The following TDP1 variants were observed in gnomAD, a reference collection of about 807,000 sequenced individuals.
TDP1 encodes tyr-DNA phosphodiesterase 1.
TDP1 carries 64 observed loss-of-function variants against 81.5 expected under a neutral mutation model. That is an observed-to-expected ratio of 0.79 (90% confidence interval 0.64 to 0.97). The LOEUF (loss-of-function observed/expected upper bound fraction) is 0.97. TDP1 is among the 50% of genes least tolerant of loss of function. The pLI is 0.00. For synonymous variants in TDP1, 256 were observed against 264.3 expected, an observed-to-expected ratio of 0.97 and a Z score of 0.30; for missense variants, 723 against 743.8, an observed-to-expected ratio of 0.97 and a Z score of 0.33.
intron 15 of TDP1, among the ~76,000 whole-genome samples, chr14:90,025,865 G>C (rs1171496258): frequency 2.6e-5 from 4 of 152,182 alleles, no homozygotes; most frequent in Non-Finnish European, 5.9e-5. Context: ...TACTCTGTCA[G>C]CCACTGAGTA....
chr14:90,009,335 A>G (rs531652481), intron 14 of TDP1, among the ~76,000 whole-genome samples: 36 of 152,342 alleles, frequency 2.4e-4, no homozygotes, highest in South Asian at 1.5e-3. Context: ...GTGGAAGAAA[A>G]GGAGTGACCA....
intron 15 of TDP1, chr14:90,023,017 C>G: frequency 1.3e-6 from 1 of 761,416 alleles, no homozygotes; most frequent in Non-Finnish European, 2.4e-6. Flanking sequence ...ATACCCTGTG[C>G]CTGCTGTCTT....
At chr14:89,989,253 G>A (rs1488447137) in intron 11 of TDP1, 163 bp downstream of exon 11, 12 of 955,726 alleles carry the variant, frequency 1.3e-5, no homozygotes, top group Non-Finnish European at 1.4e-5. Context: ...CATTAGCATC[G>A]TCATTTGTAA....
intron 15 of TDP1, among the ~76,000 whole-genome samples, chr14:90,029,498 C>CTTT (rs551041373): frequency 0.029 from 3,567 of 122,726 alleles, 267 homozygotes; most frequent in African/African-American, 0.11. Flanking sequence ...CGCACCCGGC[C>CTTT]TTTTTTTTTT....
chr14:89,968,877 A>G (rs1893258380), intron 5 of TDP1, among the ~76,000 whole-genome samples: 1 of 152,240 alleles, frequency 6.6e-6, no homozygotes, highest in South Asian at 2.1e-4. Context: ...CCTAAGCCTC[A>G]GTACCTCAGA....
chr14:89,960,792 G>A (rs1008679750), intron 2 of TDP1, among the ~76,000 whole-genome samples: 4 of 152,180 alleles, frequency 2.6e-5, no homozygotes, highest in African/African-American at 9.7e-5. Context: ...AACTTGACTG[G>A]TAGTTAATTG....
intron 15 of TDP1, among the ~76,000 whole-genome samples, chr14:90,029,980 T>C (rs1887097429): frequency 6.6e-6 from 1 of 152,234 alleles, no homozygotes; most frequent in African/African-American, 2.4e-5. Flanking sequence ...TTAAATATCC[T>C]CACAGTAGCC....
At chr14:89,976,525 C>CCCTTTTTT (rs1440225563) in intron 7 of TDP1, among the ~76,000 whole-genome samples, 1 of 135,534 alleles carries the variant, frequency 7.4e-6, no homozygotes, top group African/African-American at 3.0e-5. Context: ...CTCAACAGAG[C>CCCTTTTTT]TCTTTTTTTT....
At chr14:90,041,766 G>T (rs961611132) in intron 16 of TDP1, among the ~76,000 whole-genome samples, 5 of 152,096 alleles carry the variant, frequency 3.3e-5, no homozygotes, top group Admixed American at 3.3e-4. Flanking sequence ...ATGTATTTAC[G>T]GTCTACCCAT....
chr14:90,042,190 C>T (rs141791235), intron 16 of TDP1, among the ~76,000 whole-genome samples: 1 of 152,322 alleles, frequency 6.6e-6, no homozygotes, highest in East Asian at 1.9e-4. Context: ...AGAACAAAAA[C>T]ATTTTATAAA....
At chr14:90,004,299 T>C (rs1897446340) in intron 14 of TDP1, among the ~76,000 whole-genome samples, 1 of 152,184 alleles carries the variant, frequency 6.6e-6, no homozygotes, top group African/African-American at 2.4e-5. Flanking sequence ...GCATTGCTAG[T>C]CACTAAGTGC....
intron 14 of TDP1, among the ~76,000 whole-genome samples, chr14:90,000,055 G>C (rs568739025): frequency 1.9e-4 from 29 of 152,262 alleles, no homozygotes; most frequent in African/African-American, 7.0e-4. Context: ...TCTGAAGCTT[G>C]GGAGTCCTCT....
rs1418555173 is a variant in TDP1 at position 90,027,167 on chromosome 14, TG to T, written c.1645-5937del. On this transcript the variant is annotated intron_variant, in intron 15 of 16. Transcript: ENST00000335725. ...GATCGCCATTCTAACTGGTGTGAGA[TG>T]GTATCTCATTGTGGTTTTGATTTCC... is the stretch of plus-strand genomic sequence containing the variant. 3.9e-5 allele frequency among the ~76,000 whole-genome samples: 6 copies of T among 152,280 alleles called. No individual in the cohort carries two copies. In the South Asian group the frequency reaches 8.3e-4, roughly 21 times the overall value.
chr14:89,965,715 C>T lies in TDP1; in HGVS notation c.560-432C>T, dbSNP rs1357248282. 5.2e-6 allele frequency: 5 copies of T among 957,082 alleles called. No individual in the cohort carries two copies. The African/African-American group carries it at 8.8e-5, about 17-fold the overall frequency. The allele number at this position is 957,082 out of a possible 1,614,324, so 59.3% of individuals were successfully genotyped here. ...AGGCCACAGGTGCTTTCCAGTCTTT[C>T]TGGAAAGTCTTTCTAAACTGTCCAC... On this transcript the variant is annotated intron_variant, in intron 3 of 16. Coordinates refer to ENST00000335725, the MANE Select transcript of TDP1 (RefSeq NM_018319.4).
intron 14 of TDP1, among the ~76,000 whole-genome samples, chr14:90,004,160 T>A (rs897344751): frequency 1.3e-5 from 2 of 152,126 alleles, no homozygotes; most frequent in Non-Finnish European, 2.9e-5. Flanking sequence ...TGCCTACATC[T>A]GGTACAAGCA....
rs34584947 is a variant in TDP1, at chr14:89,986,332, G to A, written c.1131+1122G>A. Among the ~76,000 whole-genome samples the A allele has an allele frequency of 2.4e-3, 361 of 152,238 alleles. 1 individual carries two copies. Among genetic ancestry groups the A allele is most frequent in the African/African-American group, 8.4e-3 (351 of 41,544 alleles). Reference sequence around the variant, plus strand: ...CTCGACTTGTTCCTTAACATACATCGGTTGTCATCTATAAAGTGGACATAA... The same window carrying A: ...CTCGACTTGTTCCTTAACATACATCAGTTGTCATCTATAAAGTGGACATAA... On this transcript the variant is annotated intron_variant, in intron 10 of 16. Coordinates refer to ENST00000335725, the MANE Select transcript of TDP1 (RefSeq NM_018319.4).
At chr14:89,967,534 CTG>C in intron 5 of TDP1, 112 bp downstream of exon 5, 1 of 878,116 alleles carries the variant, frequency 1.1e-6, no homozygotes, top group Non-Finnish European at 1.9e-6. Context: ...TCTTTTGAAA[CTG>C]TTGAAATCAC....
intron 14 of TDP1, among the ~76,000 whole-genome samples, chr14:90,011,575 G>T (rs1002639192): frequency 1.2e-4 from 19 of 152,220 alleles, no homozygotes; most frequent in Non-Finnish European, 1.9e-4. Context: ...TGAGAAACTT[G>T]TTGGGAACTG....
At chr14:89,975,842 A>T in intron 7 of TDP1, 27 bp downstream of exon 7, 3 of 1,592,520 alleles carry the variant, frequency 1.9e-6, no homozygotes, top group Non-Finnish European at 2.6e-6. Context: ...AAATAGGGGA[A>T]CCCCTCAAGC....
Sources: allele counts gnomAD v4.1 joint callset (sites outside exome capture counted in the v4.1 genomes callset), GRCh38; gene constraint gnomAD v4.1.1; transcripts MANE v1.5; gene names NCBI Gene and HGNC (gene_info 2026-07-23, HGNC 2026-07-21).